Variants in MYO5B observed in about 807,000 individuals in gnomAD.
The protein encoded by MYO5B is myosin VB.
A neutral mutation model predicts 229.3 loss-of-function variants in MYO5B; 143 were observed. The observed-to-expected ratio is 0.62, with a 90% CI of 0.54 to 0.72. The LOEUF (loss-of-function observed/expected upper bound fraction) is 0.72, where lower values mean the gene tolerates loss of function less well. Ranked by LOEUF, MYO5B falls within the 30% of genes least tolerant of loss-of-function variation. MYO5B has a pLI of 0.00. For synonymous variants in MYO5B, 918 were observed against 885.2 expected (o/e 1.04, Z -0.66); for missense variants, 2,321 against 2,331.0 (o/e 1.00, Z 0.09).
At chr18:49,926,880 T>TGAA (rs879307610) in intron 17 of MYO5B, among the ~76,000 whole-genome samples, 31 of 152,286 alleles carry the variant, frequency 2.0e-4, no homozygotes, top group African/African-American at 7.0e-4. Context: ...TCAACATGGA[T>TGAA]GAAGCTTGAA....
At chr18:49,912,238 G>A (rs765347771) in intron 17 of MYO5B, 65 bp from the exon 18 acceptor site, 132 of 1,223,664 alleles carry the variant, frequency 1.1e-4, no homozygotes, top group Admixed American at 1.8e-4. Flanking sequence ...AAAGCCAGGC[G>A]TGACCTCAGA....
chr18:50,102,438 T>C (rs2031673888), intron 1 of MYO5B, among the ~76,000 whole-genome samples: 1 of 151,670 alleles, frequency 6.6e-6, no homozygotes, highest in African/African-American at 2.4e-5. Context: ...AGGAATACGA[T>C]CCAGGTGGAG....
rs143354118 is a variant in MYO5B at position 50,127,834 on chromosome 18, C to A, written c.27+66933G>T. On this transcript the variant is annotated intron_variant, in intron 1 of 39. Transcript: ENST00000285039. ...GTAAAGCAGGTTGCCCTCCCCACTG[C>A]GGGTGGGCCTCATGCAATCAGTTGA... Among the ~76,000 whole-genome samples the A allele has an allele frequency of 2.2e-3, 332 of 152,308 alleles. 1 individual carries two copies. The highest frequency in any genetic ancestry group is 3.4e-3 in the Non-Finnish European group (231 of 68,002).
intron 17 of MYO5B, among the ~76,000 whole-genome samples, chr18:49,914,116 T>A (rs1412796753): frequency 2.6e-5 from 4 of 152,178 alleles, no homozygotes; most frequent in Admixed American, 1.3e-4. Flanking sequence ...GGCACTGAGC[T>A]GGTTAACACT....
At position 50,122,075 on chromosome 18, in the gene MYO5B, A is replaced by G. The variant is rs2032067121; in HGVS notation, c.28-66697T>C. ...TTTGCAGCCATGCAACCTCAAGTGCATAATTTAGTCTCAGTCTGTTTCCTC... is the reference window on the plus strand; with the variant it reads ...TTTGCAGCCATGCAACCTCAAGTGCGTAATTTAGTCTCAGTCTGTTTCCTC... On this transcript the variant is annotated intron_variant, in intron 1 of 39. Coordinates refer to ENST00000285039, the MANE Select transcript of MYO5B (RefSeq NM_001080467.3). 2.0e-5 allele frequency among the ~76,000 whole-genome samples: 3 copies of G among 152,248 alleles called. No individual in the cohort carries two copies. The South Asian group carries it at 6.2e-4, about 31-fold the overall frequency.
chr18:50,011,267 G>T (rs2026157665), intron 4 of MYO5B, among the ~76,000 whole-genome samples: 2 of 152,150 alleles, frequency 1.3e-5, no homozygotes, highest in African/African-American at 2.4e-5. Context: ...GTGTGAGCCT[G>T]GGAGGTGGAG....
chr18:49,972,934 T>A (rs1378595015), intron 10 of MYO5B, among the ~76,000 whole-genome samples: 1 of 152,232 alleles, frequency 6.6e-6, no homozygotes. Flanking sequence ...GCCTTCACAC[T>A]CTGCTCCTTC....
At chr18:49,839,788 C>G (rs1568604409) in intron 35 of MYO5B, 1 of 210,326 alleles carries the variant, frequency 4.8e-6, no homozygotes, top group Non-Finnish European at 9.8e-6. Context: ...GATTTCATAG[C>G]TACCGCACTG....
At position 49,960,154 on chromosome 18, in the gene MYO5B, C is replaced by G. The variant is rs1325886164; in HGVS notation, c.1545+2112G>C. On this transcript the variant is annotated intron_variant, in intron 12 of 39. Coordinates refer to ENST00000285039, the MANE Select transcript of MYO5B (RefSeq NM_001080467.3). ...CCCCAGCTCACTACCCTGCCTGCCACTGCACAGCTTCCCCAAGAAAAGTGA... is the reference window on the plus strand; with the variant it reads ...CCCCAGCTCACTACCCTGCCTGCCAGTGCACAGCTTCCCCAAGAAAAGTGA... 2.0e-5 allele frequency among the ~76,000 whole-genome samples: 3 copies of G among 152,204 alleles called. No homozygotes were observed. The East Asian group carries it at 5.8e-4, about 29-fold the overall frequency.
rs2144011000 is a variant in MYO5B at position 49,826,079 on chromosome 18, G to A, written c.*392C>T. The A allele has an allele frequency of 4.1e-6, 1 of 243,748 alleles. No individual in the cohort carries two copies. The allele number at this position is 243,748 out of a possible 1,614,324, so 15.1% of individuals were successfully genotyped here. A position where few individuals can be genotyped will look rare whatever the true frequency, so the allele number is the denominator to read the frequency against. ...CCATTATTTGTTAAAGCCCTTTGAA[G>A]GCAATTTATGTGACTTATATATATT... On this transcript the variant is annotated 3_prime_UTR_variant, in exon 40 of 40. Coordinates refer to ENST00000285039, the MANE Select transcript of MYO5B (RefSeq NM_001080467.3).
At chr18:50,015,469 C>T (rs1354245388) in intron 4 of MYO5B, among the ~76,000 whole-genome samples, 1 of 152,110 alleles carries the variant, frequency 6.6e-6, no homozygotes, top group African/African-American at 2.4e-5. Context: ...TGACTATTTT[C>T]AGTAATAGTT....
chr18:49,826,432 T>C lies in MYO5B; in HGVS notation c.*39A>G. The stretch of plus-strand genomic sequence containing the variant: ...TTTACTGTATATACTTCCTTCTTGC[T>C]CACATTGGGAATCAAACTAATGCTG... On this transcript the variant is annotated 3_prime_UTR_variant, in exon 40 of 40. Transcript: ENST00000285039. 6.2e-7 allele frequency: 1 copy of C among 1,611,014 alleles called. No individual in the cohort carries two copies. The highest frequency in any genetic ancestry group is 8.5e-7 in the Non-Finnish European group (1 of 1,177,554).
At chr18:50,048,618 T>C (rs1037594477) in intron 2 of MYO5B, among the ~76,000 whole-genome samples, 2 of 152,160 alleles carry the variant, frequency 1.3e-5, no homozygotes, top group Non-Finnish European at 2.9e-5. Context: ...CCCACTGAAC[T>C]GCAAGGGAGC....
intron 10 of MYO5B, among the ~76,000 whole-genome samples, chr18:49,963,501 C>A (rs768000664): frequency 2.6e-5 from 4 of 152,124 alleles, no homozygotes; most frequent in Non-Finnish European, 5.9e-5. Context: ...TGGCTCACTG[C>A]AACCTCTGTC....
Position 49,936,378 on chromosome 18 carries a change from A to C in MYO5B, c.1906-29T>G, listed in dbSNP as rs781734385. On this transcript the variant is annotated intron_variant, in intron 15 of 39. Transcript: ENST00000285039. ...GAGAGACAAAAGCCAGTGCTTGGTT[A>C]GTTTTAACAAGTCGTGGATGTGTGA... 5.7e-5 allele frequency: 85 copies of C among 1,495,734 alleles called. 2 individuals carry two copies. In the East Asian group the frequency reaches 2.0e-3, roughly 35 times the overall value. The allele number at this position is 1,495,734 out of a possible 1,614,324, so 92.7% of individuals were successfully genotyped here.
intron 17 of MYO5B, among the ~76,000 whole-genome samples, chr18:49,922,804 G>T (rs1285824725): frequency 2.6e-5 from 4 of 152,086 alleles, no homozygotes. Context: ...AAATACACAT[G>T]TAAGTATCTG....
intron 1 of MYO5B, among the ~76,000 whole-genome samples, chr18:50,106,131 T>C (rs954701653): frequency 6.6e-6 from 1 of 152,064 alleles, no homozygotes; most frequent in Admixed American, 6.5e-5. Flanking sequence ...ACCCTGGACA[T>C]TGTCTTCACT....
chr18:49,827,043 G>A (rs1246515742), intron 39 of MYO5B, among the ~76,000 whole-genome samples: 1 of 152,098 alleles, frequency 6.6e-6, no homozygotes, highest in African/African-American at 2.4e-5. Flanking sequence ...TTTACCTGTA[G>A]AATGGGAGAA....
At chr18:50,073,904 C>T (rs912168645) in intron 1 of MYO5B, among the ~76,000 whole-genome samples, 3 of 152,128 alleles carry the variant, frequency 2.0e-5, no homozygotes, top group Admixed American at 6.5e-5. Flanking sequence ...ACTCTACTAC[C>T]AACAGGTATC....
Sources: allele counts gnomAD v4.1 joint callset (sites outside exome capture counted in the v4.1 genomes callset), GRCh38; gene constraint gnomAD v4.1.1; transcripts MANE v1.5; gene names NCBI Gene and HGNC (gene_info 2026-07-23, HGNC 2026-07-21).